STPG1: variants seen among roughly 807,000 people sequenced by gnomAD.
The protein encoded by STPG1 is sperm tail PG-rich repeat containing 1, also known as O(6)-methylguanine-induced apoptosis 2.
A neutral mutation model predicts 40.1 loss-of-function variants in STPG1; 33 were observed. That is an observed-to-expected ratio of 0.82 (90% CI 0.62 to 1.10). The LOEUF (loss-of-function observed/expected upper bound fraction) is 1.10. Among genes scored for constraint, STPG1 ranks in the 50% least tolerant of loss-of-function variants. The pLI is 0.00. For synonymous variants in STPG1, 150 were observed against 155.0 expected (o/e 0.97, Z 0.24); for missense variants, 396 against 415.1 (o/e 0.95, Z 0.40).
rs767190640 is a variant in STPG1, at chr1:24,373,683, G to A, written c.571+19C>T. On this transcript the variant is annotated intron_variant, in intron 6 of 8. Coordinates refer to ENST00000337248, the MANE Select transcript of STPG1 (RefSeq NM_001199013.2). ...ACACTTAACCCTTAGGTCAAGGCCAGTGCAAAGCAGCTGCTTACCTGGGGG... is the reference window on the plus strand; with the variant it reads ...ACACTTAACCCTTAGGTCAAGGCCAATGCAAAGCAGCTGCTTACCTGGGGG... The A allele has an allele frequency of 1.9e-6, 3 of 1,561,664 alleles. No individual in the cohort carries two copies. The highest frequency in any genetic ancestry group is 2.3e-5 in the East Asian group (1 of 44,336).
chr1:24,366,807 A>G (rs1022363058), intron 7 of STPG1, among the ~76,000 whole-genome samples: 4 of 152,084 alleles, frequency 2.6e-5, no homozygotes, highest in Non-Finnish European at 5.9e-5. Flanking sequence ...CCAGCTATAC[A>G]AATGTCGTGC....
intron 3 of STPG1, among the ~76,000 whole-genome samples, chr1:24,389,662 A>G (rs1010899668): frequency 6.6e-6 from 1 of 152,184 alleles, no homozygotes; most frequent in African/African-American, 2.4e-5. Flanking sequence ...CATAGTAAGG[A>G]TAAGTAAATG....
chr1:24,391,649 G>C lies in STPG1; in HGVS notation c.101C>G (p.Ser34Cys), dbSNP rs540134776. ...TGAAGCTTGAGATTTAAAAGGAATG[G>C]AGGATTGTGTTGGATATGCAGCAGT... The part of the protein sequence containing the change: ...GFTAAYPTQS[S>C]IPFKSQASVI... Residue 34 changes from serine (S) to cysteine (C), a missense_variant, in exon 3 of 9, where the codon TCC becomes TGC. By Grantham distance (112) the Ser-to-Cys change is moderately radical. Transcript: ENST00000337248. 6.5e-7 allele frequency: 1 copy of C among 1,549,954 alleles called. No individual in the cohort carries two copies. The highest frequency in any genetic ancestry group is 1.4e-5 in the African/African-American group (1 of 73,146).
rs1268874894 is a variant in STPG1, at chr1:24,391,681, T to A, written c.71-2A>T. 6.6e-7 allele frequency: 1 copy of A among 1,526,212 alleles called. No individual in the cohort carries two copies. The highest frequency in any genetic ancestry group is 8.9e-7 in the Non-Finnish European group (1 of 1,128,974). The allele number at this position is 1,526,212 out of a possible 1,614,324, so 94.5% of individuals were successfully genotyped here. On this transcript the variant is annotated splice_acceptor_variant, in intron 2 of 8. Coordinates refer to ENST00000337248, the MANE Select transcript of STPG1 (RefSeq NM_001199013.2). LOFTEE classifies it high-confidence loss of function. ...GTGTTGGATATGCAGCAGTAAAACC[T>A]AAACAACAAAAATGGAGTAAAATCA...
rs375037053 is a variant in STPG1, at chr1:24,359,378, AT to A, written c.929-760del. Reference sequence around the variant, plus strand: ...CAGGGTCAAAGCAGGATCCCTGCCTATGCCCTACCCTCTCTGGAGCTCACCC... The same window carrying A: ...CAGGGTCAAAGCAGGATCCCTGCCTAGCCCTACCCTCTCTGGAGCTCACCC... On this transcript the variant is annotated intron_variant, in intron 8 of 8. Transcript: ENST00000337248. The surrounding 1 kb of genome is among the most constrained non-coding windows in gnomAD (Gnocchi z 5.3). 4.1e-4 allele frequency among the ~76,000 whole-genome samples: 62 copies of A among 152,322 alleles called. No homozygotes were observed. In the East Asian group the frequency reaches 0.011, roughly 27 times the overall value.
chr1:24,367,138 C>T (rs1389098961), intron 7 of STPG1, among the ~76,000 whole-genome samples: 3 of 152,204 alleles, frequency 2.0e-5, no homozygotes, highest in Non-Finnish European at 2.9e-5. Flanking sequence ...CGGCATTTTG[C>T]TGCAGGCTCC....
Position 24,357,905 on chromosome 1 carries a change from C to T in STPG1, c.*638G>A. 3.1e-6 allele frequency: 1 copy of T among 323,388 alleles called. No individual in the cohort carries two copies. The highest frequency in any genetic ancestry group is 6.1e-6 in the Non-Finnish European group (1 of 163,376). The allele number at this position is 323,388 out of a possible 1,614,324, so 20.0% of individuals were successfully genotyped here. On this transcript the variant is annotated 3_prime_UTR_variant, in exon 9 of 9. Transcript: ENST00000337248. ...CCCCCGGGCCCGGCCACTGCCATTC[C>T]AAGATGATCTCCCACTCCAAAGAGA...
rs6678892 is a variant in STPG1 at position 24,392,185 on chromosome 1, T to C, written c.71-506A>G. 2.1e-3 allele frequency: 1,207 copies of C among 566,594 alleles called. 16 individuals carry two copies. The African/African-American group carries it at 0.023, about 11-fold the overall frequency. The allele number at this position is 566,594 out of a possible 1,614,324, so 35.1% of individuals were successfully genotyped here. A position where few individuals can be genotyped will look rare whatever the true frequency, so the allele number is the denominator to read the frequency against. ...CAAGACAGGTGTAAGTTTTCGTTTC[T>C]GTTTTGAGCAGACATGGGGTTAAAA... On this transcript the variant is annotated intron_variant, in intron 2 of 8. Transcript: ENST00000337248.
intron 1 of STPG1, among the ~76,000 whole-genome samples, chr1:24,407,465 G>A (rs1304691605): frequency 1.1e-4 from 15 of 138,788 alleles, no homozygotes; most frequent in Admixed American, 1.5e-4. Context: ...TTTTTTTGAC[G>A]GAGTCCCGCT....
intron 4 of STPG1, 106 bp from the exon 5 acceptor site, chr1:24,379,929 T>C: frequency 8.8e-7 from 1 of 1,131,696 alleles, no homozygotes; most frequent in Non-Finnish European, 1.2e-6. Context: ...ATGCATTTTA[T>C]AAAAGGCGAA....
intron 8 of STPG1, 32 bp from the exon 9 acceptor site, chr1:24,358,651 G>C: frequency 6.4e-7 from 1 of 1,551,956 alleles, no homozygotes; most frequent in Non-Finnish European, 8.9e-7. Context: ...GAGGCATTAA[G>C]AGAGAAAAGG....
chr1:24,379,514 G>A, intron 5 of STPG1, 139 bp downstream of exon 5: 3 of 894,844 alleles, frequency 3.4e-6, no homozygotes, highest in Non-Finnish European at 5.3e-6. Context: ...ACAGCCTTAG[G>A]CACCCATTGG....
intron 7 of STPG1, among the ~76,000 whole-genome samples, chr1:24,368,393 G>A (rs765564485): frequency 6.6e-6 from 1 of 152,154 alleles, no homozygotes; most frequent in Admixed American, 6.5e-5. Context: ...CTCTCTGGAG[G>A]GGCCCAAGAG....
chr1:24,394,646 T>C (rs1642915446), intron 2 of STPG1, among the ~76,000 whole-genome samples: 1 of 151,824 alleles, frequency 6.6e-6, no homozygotes, highest in Admixed American at 6.6e-5. Context: ...AATGACAAGA[T>C]CCAAATCGAA....
intron 8 of STPG1, 51 bp downstream of exon 8, chr1:24,360,800 A>G: frequency 6.6e-7 from 1 of 1,506,254 alleles, no homozygotes; most frequent in Non-Finnish European, 9.0e-7. Flanking sequence ...AAGAATGACA[A>G]ACAGTTCCAG....
At chr1:24,414,633 C>G (rs1387988380), upstream of STPG1, 1 of 143,194 alleles carries the variant, frequency 7.0e-6, no homozygotes, top group African/African-American at 2.6e-5. Context: ...CTCCCGAGTT[C>G]AAGCGATCCT....
chr1:24,361,845 C>G (rs1641140051), intron 7 of STPG1, among the ~76,000 whole-genome samples: 1 of 152,162 alleles, frequency 6.6e-6, no homozygotes, highest in African/African-American at 2.4e-5. Flanking sequence ...GTTTCCCCAT[C>G]TGTAAAAGGA....
chr1:24,373,833 A>G lies in STPG1; in HGVS notation c.463-23T>C, dbSNP rs1223063589. On this transcript the variant is annotated intron_variant, in intron 5 of 8. Coordinates refer to ENST00000337248, the MANE Select transcript of STPG1 (RefSeq NM_001199013.2). ...GGCCTAGGGGGAGAAAATACACCCA[A>G]TGTACTCAGTACCTTTCCTTTCTTT... 1.1e-5 allele frequency: 16 copies of G among 1,501,672 alleles called. No individual in the cohort carries two copies. The East Asian group carries it at 2.5e-4, about 24-fold the overall frequency. The allele number at this position is 1,501,672 out of a possible 1,614,324, so 93.0% of individuals were successfully genotyped here. A position where few individuals can be genotyped will look rare whatever the true frequency, so the allele number is the denominator to read the frequency against.
intron 3 of STPG1, among the ~76,000 whole-genome samples, chr1:24,384,631 A>G (rs1198855333): frequency 6.6e-6 from 1 of 152,144 alleles, no homozygotes; most frequent in Non-Finnish European, 1.5e-5. Flanking sequence ...CTGCTGCGGG[A>G]GCTCATCGGG....
Sources: gnomAD v4.1 joint callset for allele counts (sites outside exome capture counted in the v4.1 genomes callset) on GRCh38, gnomAD v4.1.1 for gene constraint, Gnocchi (gnomAD v3.1) non-coding constraint, MANE v1.5 for transcripts, NCBI Gene and HGNC (gene_info 2026-07-23, HGNC 2026-07-21) for gene names.